Variants in SYTL5 observed in about 807,000 individuals in gnomAD.
The protein encoded by SYTL5 is synaptotagmin-like protein 5.
In SYTL5, 34 loss-of-function variants were observed where a neutral mutation model predicts 55.9. That is an observed-to-expected ratio of 0.61 (90% confidence interval 0.46 to 0.81). The LOEUF (loss-of-function observed/expected upper bound fraction) is 0.81. Among genes scored for constraint, SYTL5 ranks in the 30% least tolerant of loss-of-function variants. SYTL5 has a pLI of 0.00. For synonymous variants in SYTL5, 221 were observed against 188.7 expected (o/e 1.17, Z -1.40); for missense variants, 637 against 546.7 (o/e 1.17, Z -1.65).
chrX:38,058,406 G>A (rs989331480), intron 3 of SYTL5, among the ~76,000 whole-genome samples: 4 of 110,983 alleles, frequency 3.6e-5, no homozygotes, highest in African/African-American at 1.3e-4. Context: ...CCTTTCCACT[G>A]CTCTTTATTC....
chrX:38,120,501 T>G (rs1369432534), intron 14 of SYTL5, 35 bp downstream of exon 14: 1 of 1,068,817 alleles, frequency 9.4e-7, no homozygotes, highest in South Asian at 1.9e-5. Context: ...ATCAATGACA[T>G]TCTGTTTCTA....
the SYTL5 span, among the ~76,000 whole-genome samples, chrX:37,962,848 G>T: frequency 8.9e-6 from 1 of 111,883 alleles, no homozygotes; most frequent in African/African-American, 3.3e-5. Context: ...CAATCAGGGA[G>T]GCTCCACTTT....
the SYTL5 span, chrX:37,990,687 G>A: frequency 8.7e-6 from 7 of 802,980 alleles, no homozygotes; most frequent in Non-Finnish European, 1.2e-5. Flanking sequence ...AAATCACAAA[G>A]TCTAGGGATG....
intron 3 of SYTL5, among the ~76,000 whole-genome samples, chrX:38,067,101 G>A (rs999998863): frequency 1.8e-5 from 2 of 111,425 alleles, no homozygotes; most frequent in Admixed American, 1.9e-4. Flanking sequence ...AATCTGTTCT[G>A]GTATTTTCTC....
At chrX:37,983,583 A>G in the SYTL5 span, among the ~76,000 whole-genome samples, 1 of 112,081 alleles carries the variant, frequency 8.9e-6, no homozygotes, top group African/African-American at 3.2e-5. Flanking sequence ...CCAGTAATGG[A>G]GAGAAGTAGG....
chrX:37,902,373 C>T, the SYTL5 span, among the ~76,000 whole-genome samples: 1 of 112,076 alleles, frequency 8.9e-6, no homozygotes, highest in Non-Finnish European at 1.9e-5. Flanking sequence ...ACTGAGGTGG[C>T]CTCTAGCCAT....
the SYTL5 span, among the ~76,000 whole-genome samples, chrX:37,996,552 C>A: frequency 2.7e-5 from 3 of 112,536 alleles, no homozygotes; most frequent in Non-Finnish European, 5.6e-5. Flanking sequence ...AGTGTCAGGG[C>A]AGGCTGGTGC....
chrX:38,054,814 C>T (rs1474189870), intron 3 of SYTL5, among the ~76,000 whole-genome samples: 2 of 110,345 alleles, frequency 1.8e-5, no homozygotes, highest in South Asian at 4.0e-4. Context: ...ACTGAAGCCT[C>T]GACCTCCTGG....
the SYTL5 span, among the ~76,000 whole-genome samples, chrX:37,979,819 T>C: frequency 6.4e-3 from 693 of 109,113 alleles, 5 homozygotes; most frequent in Middle Eastern, 0.023. Context: ...CTTTTCTTTT[T>C]TTTTTATTAT....
chrX:37,990,050 T>G, the SYTL5 span, among the ~76,000 whole-genome samples: 1 of 109,315 alleles, frequency 9.1e-6, no homozygotes, highest in East Asian at 2.8e-4. Flanking sequence ...TTATTTTTAT[T>G]TTTATTTTTA....
the SYTL5 span, among the ~76,000 whole-genome samples, chrX:37,895,914 A>G: frequency 1.8e-5 from 2 of 112,337 alleles, no homozygotes; most frequent in African/African-American, 6.5e-5. Flanking sequence ...TATCAAAATT[A>G]AAATCTCATT....
chrX:38,091,049 G>C (rs1185312702), intron 7 of SYTL5, among the ~76,000 whole-genome samples: 2 of 112,100 alleles, frequency 1.8e-5, no homozygotes, highest in Non-Finnish European at 3.8e-5. Flanking sequence ...ATTAAGATGG[G>C]GGAAACTGGA....
chrX:38,016,478 C>T (rs1421943514), intron 1 of SYTL5, among the ~76,000 whole-genome samples: 2 of 111,850 alleles, frequency 1.8e-5, no homozygotes, highest in Non-Finnish European at 3.8e-5. Context: ...TTATGTATAA[C>T]TCCTCCTCTA....
At chrX:37,977,699 A>G in the SYTL5 span, among the ~76,000 whole-genome samples, 1 of 57,398 alleles carries the variant, frequency 1.7e-5, no homozygotes, top group South Asian at 1.1e-3. Context: ...GGGACCAATG[A>G]TCACACACAC....
At chrX:38,046,008 C>G (rs959161229) in intron 2 of SYTL5, among the ~76,000 whole-genome samples, 5 of 111,681 alleles carry the variant, frequency 4.5e-5, no homozygotes, top group African/African-American at 1.6e-4. Flanking sequence ...AAACAACAGT[C>G]ATGAATAAAT....
intron 16 of SYTL5, 29 bp downstream of exon 16, chrX:38,125,535 G>C: frequency 6.1e-6 from 7 of 1,144,660 alleles, no homozygotes; most frequent in Non-Finnish European, 8.4e-6. Flanking sequence ...CACAGGGATG[G>C]TCTGTGACTA....
chrX:38,052,793 A>G lies in SYTL5; in HGVS notation c.120-1420A>G, dbSNP rs143417310. ...GATATGGTATAAAATGTGTGGGATG[A>G]TTCTCAATTTTTTTTTCCTAGAACA... On this transcript the variant is annotated intron_variant, in intron 2 of 16. Transcript: ENST00000297875. Among the ~76,000 whole-genome samples the G allele has an allele frequency of 9.6e-4, 107 of 111,720 alleles. 7 individuals are homozygous for G. Among genetic ancestry groups the G allele is most frequent in the East Asian group, 4.2e-3 (15 of 3,567 alleles).
At chrX:37,935,457 T>C in the SYTL5 span, among the ~76,000 whole-genome samples, 13,620 of 112,012 alleles carry the variant, frequency 0.12, 1,313 homozygotes, top group African/African-American at 0.33. Flanking sequence ...ATATAAAGTA[T>C]AGCATAAATT....
the SYTL5 span, among the ~76,000 whole-genome samples, chrX:37,924,919 A>G: frequency 9.0e-6 from 1 of 110,946 alleles, no homozygotes; most frequent in Non-Finnish European, 1.9e-5. Flanking sequence ...TACATAATAA[A>G]CTATTGTTAA....
Sources: gnomAD v4.1 joint callset for allele counts (sites outside exome capture counted in the v4.1 genomes callset) on GRCh38, gnomAD v4.1.1 for gene constraint, MANE v1.5 for transcripts, NCBI Gene and HGNC (gene_info 2026-07-23, HGNC 2026-07-21) for gene names.